Variants in BAZ2B observed in about 807,000 individuals in gnomAD.
The protein encoded by BAZ2B is bromodomain adjacent to zinc finger domain protein 2B.
BAZ2B carries 91 observed loss-of-function variants against 246.0 expected under a neutral mutation model. The ratio of observed to expected loss-of-function variants is 0.37; its 90% CI spans 0.31 to 0.44. The LOEUF is 0.44. Among genes scored for constraint, BAZ2B ranks in the 20% least tolerant of loss-of-function variants. BAZ2B has a pLI of 1.00. For missense variants in BAZ2B, 2,332 were observed against 2,533.7 expected (o/e 0.92, Z 1.71); for synonymous variants, 855 against 860.0 (o/e 0.99, Z 0.10).
upstream of BAZ2B, among the ~76,000 whole-genome samples, chr2:159,621,206 A>G (rs1255758848): frequency 6.6e-6 from 1 of 152,210 alleles, no homozygotes; most frequent in African/African-American, 2.4e-5. Context: ...CTCTTTTAAA[A>G]ATGGGATTAT....
the BAZ2B span, among the ~76,000 whole-genome samples, chr2:159,683,005 GCTAA>G: frequency 6.8e-6 from 1 of 147,266 alleles, no homozygotes; most frequent in Non-Finnish European, 1.5e-5. Flanking sequence ...GTTATTTTTG[GCTAA>G]CTGTGTAAGA....
chr2:159,615,394 C>T (rs1695735775), intron 1 of BAZ2B: 1 of 152,256 alleles, frequency 6.6e-6, no homozygotes, highest in Admixed American at 6.5e-5. Flanking sequence ...AGGCACAGAC[C>T]TTACTGTATG....
chr2:159,394,383 C>G (rs2063729764), intron 20 of BAZ2B, among the ~76,000 whole-genome samples: 2 of 152,126 alleles, frequency 1.3e-5, no homozygotes, highest in South Asian at 4.1e-4. Context: ...CTTTCCCTGA[C>G]TGTCATTTTT....
the BAZ2B span, among the ~76,000 whole-genome samples, chr2:159,695,648 A>G: frequency 2.0e-5 from 3 of 152,142 alleles, no homozygotes; most frequent in East Asian, 3.8e-4. Context: ...TTCTTCCCCC[A>G]TTGAATTACC....
chr2:159,692,267 G>C, the BAZ2B span, among the ~76,000 whole-genome samples: 7 of 151,900 alleles, frequency 4.6e-5, no homozygotes, highest in Admixed American at 4.6e-4. Context: ...CGATTCTCCT[G>C]CCTCAGCCTC....
rs1333291328 is a variant in BAZ2B, at chr2:159,478,585, G to T, written c.135C>A (p.Ile45=). ...STGVASLSST[I]NPCGHLFRTA... Reference sequence around the variant, plus strand: ...AAAAAGGGTATTCACCACATGGGTTGATTGTAGAGCTAAGTGAAGCAACTC... The same window carrying T: ...AAAAAGGGTATTCACCACATGGGTTTATTGTAGAGCTAAGTGAAGCAACTC... Residue 45 remains isoleucine, a synonymous_variant, in exon 3 of 37, where the codon ATC becomes ATA. Transcript: ENST00000392783. 6.2e-7 allele frequency: 1 copy of T among 1,606,124 alleles called. No homozygotes were observed. Among genetic ancestry groups the T allele is most frequent in the Non-Finnish European group, 8.5e-7 (1 of 1,177,020 alleles).
Position 159,424,376 on chromosome 2 carries a change from A to C in BAZ2B, c.2466+3565T>G, listed in dbSNP as rs565443859. On this transcript the variant is annotated intron_variant, in intron 13 of 36. Transcript: ENST00000392783. ...TGTTGAGCTGAATGGCCTTTTATGT[A>C]AATTATACTACTGGAAGGAATAAAT... 2.0e-5 allele frequency among the ~76,000 whole-genome samples: 3 copies of C among 152,204 alleles called. No individual in the cohort carries two copies. In the South Asian group the frequency reaches 6.2e-4, roughly 32 times the overall value.
intron 14 of BAZ2B, chr2:159,412,013 T>C (rs1221862519): frequency 3.1e-6 from 3 of 978,110 alleles, no homozygotes; most frequent in Non-Finnish European, 3.6e-6. Flanking sequence ...AATGAGAATT[T>C]CCAGAAGGTT....
intron 2 of BAZ2B, among the ~76,000 whole-genome samples, chr2:159,488,362 C>A (rs190455211): frequency 4.0e-4 from 61 of 152,174 alleles, no homozygotes; most frequent in Admixed American, 1.4e-3. Flanking sequence ...TGTTAGCTAC[C>A]GCACCCACCA....
intron 2 of BAZ2B, among the ~76,000 whole-genome samples, chr2:159,498,353 A>G (rs1304808417): frequency 6.6e-6 from 1 of 152,202 alleles, no homozygotes; most frequent in Non-Finnish European, 1.5e-5. Flanking sequence ...ATAATTTTCA[A>G]TTCCAAGCCG....
At chr2:159,635,185 C>T in the BAZ2B span, among the ~76,000 whole-genome samples, 2 of 152,076 alleles carry the variant, frequency 1.3e-5, no homozygotes, top group Admixed American at 1.3e-4. Context: ...GGGAACATAC[C>T]TTGTTCTCAC....
At chr2:159,706,556 G>A in the BAZ2B span, among the ~76,000 whole-genome samples, 25 of 152,302 alleles carry the variant, frequency 1.6e-4, no homozygotes, top group East Asian at 2.1e-3. Context: ...GTGCACGCAC[G>A]CGTGCGCATG....
chr2:159,604,955 C>CGT (rs1263332647), intron 1 of BAZ2B, among the ~76,000 whole-genome samples: 2 of 62,220 alleles, frequency 3.2e-5, no homozygotes, highest in Non-Finnish European at 7.8e-5. Context: ...TGTGTGTGCG[C>CGT]GTGTGTGCGC....
chr2:159,548,651 TA>T (rs1478661810), intron 2 of BAZ2B, among the ~76,000 whole-genome samples: 1 of 152,208 alleles, frequency 6.6e-6, no homozygotes, highest in Non-Finnish European at 1.5e-5. Flanking sequence ...TATTTAATGA[TA>T]GTCAAGTACA....
chr2:159,393,596 G>T (rs942352718), intron 20 of BAZ2B, among the ~76,000 whole-genome samples: 3 of 149,768 alleles, frequency 2.0e-5, no homozygotes, highest in Non-Finnish European at 4.5e-5. Context: ...ATTCAGATTT[G>T]CCCATGAGTA....
At chr2:159,429,035 T>C (rs1046056472) in intron 11 of BAZ2B, among the ~76,000 whole-genome samples, 165 bp downstream of exon 11, 2 of 152,146 alleles carry the variant, frequency 1.3e-5, no homozygotes, top group Non-Finnish European at 2.9e-5. Context: ...TTCAGTTTTC[T>C]GATATACCAA....
At chr2:159,575,444 G>C (rs1403296904) in intron 1 of BAZ2B, among the ~76,000 whole-genome samples, 2 of 152,166 alleles carry the variant, frequency 1.3e-5, no homozygotes, top group Non-Finnish European at 2.9e-5. Flanking sequence ...GTTATAAAGA[G>C]TTATAATATT....
intron 25 of BAZ2B, among the ~76,000 whole-genome samples, chr2:159,381,459 C>T (rs972680342): frequency 1.3e-5 from 2 of 152,138 alleles, no homozygotes; most frequent in African/African-American, 4.8e-5. Context: ...GGAAATCAAT[C>T]CTACCACTCT....
chr2:159,674,406 G>GCAGAA, the BAZ2B span, among the ~76,000 whole-genome samples: 1 of 148,902 alleles, frequency 6.7e-6, no homozygotes. Flanking sequence ...AAAGAGAAGA[G>GCAGAA]AAGAAAAGAA....
Sources: gnomAD v4.1 joint callset for allele counts (sites outside exome capture counted in the v4.1 genomes callset) on GRCh38, gnomAD v4.1.1 for gene constraint, MANE v1.5 for transcripts, NCBI Gene and HGNC (gene_info 2026-07-23, HGNC 2026-07-21) for gene names.